PRSS23: variants seen among roughly 807,000 people sequenced by gnomAD.
PRSS23 encodes protease, serine 23.
Under a neutral mutation model 34.7 loss-of-function variants are expected in PRSS23, and 25 were observed. That is an observed-to-expected ratio of 0.72 (90% CI 0.53 to 1.01). The LOEUF is 1.01. PRSS23 is among the 50% of genes least tolerant of loss of function. The probability of loss-of-function intolerance (pLI) is 0.00; values close to 1 mark genes in which losing one functional copy is unlikely to be tolerated. For synonymous variants in PRSS23, 176 were observed against 186.6 expected, an observed-to-expected ratio of 0.94 and a Z score of 0.46; for missense variants, 445 against 475.6, an observed-to-expected ratio of 0.94 and a Z score of 0.60.
intron 2 of PRSS23, among the ~76,000 whole-genome samples, chr11:86,839,419 C>A (rs911415490): frequency 6.6e-6 from 1 of 151,954 alleles, no homozygotes; most frequent in Non-Finnish European, 1.5e-5. Context: ...AGGGAAAAAA[C>A]CTAACAAAGC....
At chr11:86,824,193 A>ACAGG (rs2134878002) in intron 2 of PRSS23, among the ~76,000 whole-genome samples, 1 of 151,330 alleles carries the variant, frequency 6.6e-6, no homozygotes, top group Non-Finnish European at 1.5e-5. Context: ...CTGTGGTTCC[A>ACAGG]CCTACTTGGG....
intron 1 of PRSS23, among the ~76,000 whole-genome samples, chr11:86,822,551 G>A (rs1476741472): frequency 1.3e-5 from 2 of 151,382 alleles, no homozygotes; most frequent in Admixed American, 6.6e-5. Context: ...AGCCTGGGAG[G>A]TCGAGACTGC....
chr11:86,830,154 C>A (rs1387228232), intron 2 of PRSS23, among the ~76,000 whole-genome samples: 1 of 152,224 alleles, frequency 6.6e-6, no homozygotes, highest in East Asian at 1.9e-4. Flanking sequence ...CCAGCTCGAG[C>A]TTCCCAGCTG....
At chr11:86,928,132 T>C (rs10792883) in intron 2 of PRSS23, among the ~76,000 whole-genome samples, 92,354 of 147,922 alleles carry the variant, frequency 0.62, 29,335 homozygotes, top group Non-Finnish European at 0.69. Context: ...ATATGTATTA[T>C]ATACTTATAA....
At chr11:86,825,350 G>GT (rs1430634870) in intron 2 of PRSS23, among the ~76,000 whole-genome samples, 1 of 152,090 alleles carries the variant, frequency 6.6e-6, no homozygotes, top group African/African-American at 2.4e-5. Flanking sequence ...TTGTAAATTT[G>GT]TTTGAGTTCT....
At chr11:86,867,659 T>C (rs951498686) in intron 2 of PRSS23, among the ~76,000 whole-genome samples, 5 of 152,034 alleles carry the variant, frequency 3.3e-5, no homozygotes, top group African/African-American at 1.2e-4. Context: ...GCTGGAGAAT[T>C]GCTTGAGCCC....
rs749657601 is a variant in PRSS23 at position 86,807,842 on chromosome 11, C to T, written c.199C>T (p.Pro67Ser). 69 of 1,613,938 alleles carry T rather than the reference C, an allele frequency of 4.3e-5. No homozygotes were observed. Among genetic ancestry groups the T allele is most frequent in the Non-Finnish European group, 5.4e-5 (64 of 1,180,022 alleles). The change falls in exon 2 of 2, where the codon CCC becomes TCC. Residue 67 changes from proline (P) to serine (S), a missense_variant. Pro to Ser is a moderately conservative substitution (Grantham distance 74). Coordinates refer to ENST00000280258, the MANE Select transcript of PRSS23 (RefSeq NM_007173.6). ...ATTAGAAGTATCTTCTTCATGTGGA[C>T]CCCAGTGTCATAAGGGAACTCCACT... is the stretch of plus-strand genomic sequence containing the variant. ...AKLEVSSSCG[P>S]QCHKGTPLPT...
At chr11:86,797,703 AGGACTACACTCC>A (rs1236922642), upstream of PRSS23, among the ~76,000 whole-genome samples, 1 of 152,222 alleles carries the variant, frequency 6.6e-6, no homozygotes, top group Non-Finnish European at 1.5e-5. Flanking sequence ...GTGGTACTGG[AGGACTACACTCC>A]GAAGCAGAGC....
chr11:86,941,540 T>A (rs1949207481), intron 2 of PRSS23, among the ~76,000 whole-genome samples: 1 of 152,238 alleles, frequency 6.6e-6, no homozygotes, highest in Non-Finnish European at 1.5e-5. Flanking sequence ...AGTTTTAAGC[T>A]TGTTAATAGC....
chr11:86,841,540 A>T lies in PRSS23; in HGVS notation c.206+17947A>T, dbSNP rs117455661. On this transcript the variant is annotated intron_variant, in intron 2 of 2. Coordinates refer to the PRSS23 transcript ENST00000533902. ...AGATCAACAACACAGACCGCTAGCA[A>T]GACTAATAAAGAAGAAAAGAAGAAA... Among the ~76,000 whole-genome samples the T allele has an allele frequency of 6.8e-3, 1,041 of 152,280 alleles. 1 individual carries two copies. The highest frequency in any genetic ancestry group is 0.011 in the Non-Finnish European group (727 of 68,032).
Position 86,808,511 on chromosome 11 carries a change from T to C in PRSS23, c.868T>C (p.Leu290=). The C allele has an allele frequency of 6.2e-7, 1 of 1,614,176 alleles. No homozygotes were observed. Among genetic ancestry groups the C allele is most frequent in the African/African-American group, 1.3e-5 (1 of 75,048 alleles). The stretch of plus-strand genomic sequence containing the variant: ...TTATGACAATGACCGACCAGGCAAT[T>C]TGGTGTATCGCTTCTGTGACGTCAA... ...SGYDNDRPGN[L]VYRFCDVKDE... is the part of the protein sequence containing the mutation. Residue 290 remains leucine (L), a synonymous_variant, in exon 2 of 2, where the codon TTG becomes CTG. Coordinates refer to ENST00000280258, the MANE Select transcript of PRSS23 (RefSeq NM_007173.6).
intron 2 of PRSS23, among the ~76,000 whole-genome samples, chr11:86,871,191 CT>C (rs1948682352): frequency 6.6e-6 from 1 of 152,126 alleles, no homozygotes; most frequent in Admixed American, 6.6e-5. Flanking sequence ...GGTTTTATGC[CT>C]TTTTAGGGTG....
chr11:86,886,899 G>A (rs757839473), intron 2 of PRSS23, among the ~76,000 whole-genome samples: 14 of 152,076 alleles, frequency 9.2e-5, no homozygotes, highest in Admixed American at 5.2e-4. Flanking sequence ...CTGAGATCGC[G>A]CCACTGCCCT....
chr11:86,821,656 A>G, intron 1 of PRSS23: 1 of 1,564,382 alleles, frequency 6.4e-7, no homozygotes, highest in East Asian at 2.2e-5. Flanking sequence ...TGGTTCAAGA[A>G]TTTTGTCAAT....
intron 2 of PRSS23, among the ~76,000 whole-genome samples, chr11:86,926,195 T>C (rs931524418): frequency 1.4e-4 from 21 of 152,192 alleles, no homozygotes; most frequent in African/African-American, 5.1e-4. Context: ...AAACCCCGTC[T>C]CCACTAAAAA....
intron 2 of PRSS23, among the ~76,000 whole-genome samples, chr11:86,839,558 C>A (rs1003387652): frequency 1.3e-5 from 2 of 152,042 alleles, no homozygotes; most frequent in African/African-American, 4.8e-5. Context: ...ACTTCCCTAA[C>A]GTAGCAAGGC....
At chr11:86,834,452 C>T (rs894652113) in intron 2 of PRSS23, among the ~76,000 whole-genome samples, 6 of 151,990 alleles carry the variant, frequency 3.9e-5, no homozygotes, top group Non-Finnish European at 8.8e-5. Context: ...TCTAATGAAG[C>T]GTCCTGCCTT....
intron 2 of PRSS23, among the ~76,000 whole-genome samples, chr11:86,874,686 C>A (rs899220020): frequency 2.6e-5 from 4 of 152,224 alleles, no homozygotes; most frequent in Non-Finnish European, 4.4e-5. Flanking sequence ...CAATTCCCAA[C>A]TTTGTAGTGT....
chr11:86,902,407 T>C (rs1948917543), intron 2 of PRSS23, among the ~76,000 whole-genome samples: 1 of 152,218 alleles, frequency 6.6e-6, no homozygotes, highest in South Asian at 2.1e-4. Context: ...ATTCAGCTTA[T>C]CTCATTCTTA....
Sources: allele counts gnomAD v4.1 joint callset (sites outside exome capture counted in the v4.1 genomes callset), GRCh38; gene constraint gnomAD v4.1.1; transcripts MANE v1.5; gene names NCBI Gene and HGNC (gene_info 2026-07-23, HGNC 2026-07-21).